Variants in PNLIPRP3 observed in about 807,000 individuals in gnomAD.
The protein encoded by PNLIPRP3 is pancreatic lipase related protein 3, also known as pancreatic lipase-related protein 3.
Under a neutral mutation model 52.8 loss-of-function variants are expected in PNLIPRP3, and 58 were observed. The observed-to-expected ratio is 1.10, with a 90% CI of 0.89 to 1.37. The LOEUF (loss-of-function observed/expected upper bound fraction) is 1.37. PNLIPRP3 is among the 40% of genes most tolerant of loss of function. The probability of loss-of-function intolerance (pLI) is 0.00; values close to 1 mark genes in which losing one functional copy is unlikely to be tolerated. For synonymous variants in PNLIPRP3, 192 were observed against 185.0 expected (o/e 1.04, Z -0.31); for missense variants, 593 against 561.6 (o/e 1.06, Z -0.57).
At chr10:116,457,385 CAT>C (rs1302472388) in intron 5 of PNLIPRP3, among the ~76,000 whole-genome samples, 1 of 152,124 alleles carries the variant, frequency 6.6e-6, no homozygotes, top group African/African-American at 2.4e-5. Flanking sequence ...CACACACACA[CAT>C]ACATGCACAC....
chr10:116,443,735 C>T (rs1476918821), intron 3 of PNLIPRP3, among the ~76,000 whole-genome samples: 2 of 135,060 alleles, frequency 1.5e-5, no homozygotes, highest in African/African-American at 5.6e-5. Flanking sequence ...TGCATAGGTG[C>T]TAATTACTAA....
chr10:116,454,180 C>G (rs10885938), intron 4 of PNLIPRP3, among the ~76,000 whole-genome samples: 134,725 of 152,100 alleles, frequency 0.89, 60,651 homozygotes, highest in Non-Finnish European at 0.97. Flanking sequence ...GTGCAGTGGC[C>G]TGATCTCAGC....
intron 3 of PNLIPRP3, 84 bp downstream of exon 3, chr10:116,443,258 A>G: frequency 7.5e-7 from 1 of 1,331,176 alleles, no homozygotes; most frequent in South Asian, 1.9e-5. Flanking sequence ...ATTGATGTAT[A>G]TTCATGGAAA....
chr10:116,469,896 T>C (rs1024123273), intron 9 of PNLIPRP3, among the ~76,000 whole-genome samples: 9 of 151,890 alleles, frequency 5.9e-5, no homozygotes, highest in African/African-American at 2.2e-4. Context: ...AAAATCACTT[T>C]AGTTTCTGCA....
chr10:116,428,080 A>G lies in PNLIPRP3; in HGVS notation c.49+19A>G, dbSNP rs1845662534. 2 of 1,561,744 alleles carry G rather than the reference A, an allele frequency of 1.3e-6. No individual in the cohort carries two copies. The highest frequency in any genetic ancestry group is 1.7e-5 in the Admixed American group (1 of 58,782). ...TCAAGAGGTAAGATTCATAATTTAT[A>G]ATAAGTTCTTTAAAAATAATGAGTA... On this transcript the variant is annotated intron_variant, in intron 1 of 11. Transcript: ENST00000369230.
Position 116,436,875 on chromosome 10 carries a change from C to A in PNLIPRP3, c.204+10C>A. On this transcript the variant is annotated intron_variant, in intron 2 of 11. Coordinates refer to ENST00000369230, the MANE Select transcript of PNLIPRP3 (RefSeq NM_001011709.3). ...TCCCAATGCCTATCAGGTAAGCTAA[C>A]TTGCAGCCTTCACACATGGATTATT... is the stretch of plus-strand genomic sequence containing the variant. 6.4e-7 allele frequency: 1 copy of A among 1,569,556 alleles called. No individual in the cohort carries two copies. The highest frequency in any genetic ancestry group is 8.7e-7 in the Non-Finnish European group (1 of 1,153,444).
chr10:116,464,388 G>T (rs905079816), intron 7 of PNLIPRP3, among the ~76,000 whole-genome samples: 2 of 152,200 alleles, frequency 1.3e-5, no homozygotes, highest in Admixed American at 6.5e-5. Context: ...TCCACAGCCT[G>T]CAGTGCCTCT....
At chr10:116,431,580 C>T (rs1017439548) in intron 1 of PNLIPRP3, among the ~76,000 whole-genome samples, 9 of 152,200 alleles carry the variant, frequency 5.9e-5, no homozygotes, top group South Asian at 4.1e-4. Flanking sequence ...TACATGACTA[C>T]GATCCCACAT....
chr10:116,455,638 C>CTTTT (rs34077637), intron 4 of PNLIPRP3, 84 bp from the exon 5 acceptor site: 5 of 687,472 alleles, frequency 7.3e-6, no homozygotes, highest in Non-Finnish European at 1.1e-5. Flanking sequence ...CATGTTGATC[C>CTTTT]TTTTTTTTTT....
chr10:116,445,853 C>T (rs1009317040), intron 4 of PNLIPRP3, among the ~76,000 whole-genome samples: 2 of 152,086 alleles, frequency 1.3e-5, no homozygotes, highest in East Asian at 3.9e-4. Context: ...GTCTCTTCTC[C>T]ACCTCTCTTT....
rs116302267 is a variant in PNLIPRP3 at position 116,475,430 on chromosome 10, T to A, written c.1173-1222T>A. Among the ~76,000 whole-genome samples, 589 of 152,266 alleles carry A rather than the reference T, an allele frequency of 3.9e-3. 4 individuals carry two copies. Among genetic ancestry groups the A allele is most frequent in the African/African-American group, 0.013 (555 of 41,564 alleles). ...TACCCCTGACCTTGTTTAAAAAAAA[T>A]GTCCAGCTTCACCATAGGTTATATC... On this transcript the variant is annotated intron_variant, in intron 10 of 11. Transcript: ENST00000369230.
chr10:116,436,687 T>C, intron 1 of PNLIPRP3, 24 bp from the exon 2 acceptor site: 11 of 1,584,058 alleles, frequency 6.9e-6, no homozygotes, highest in Non-Finnish European at 9.5e-6. Flanking sequence ...TCCTCTATAC[T>C]GACACTCCAC....
chr10:116,438,835 A>T (rs1845816375), intron 2 of PNLIPRP3, among the ~76,000 whole-genome samples: 1 of 152,220 alleles, frequency 6.6e-6, no homozygotes, highest in African/African-American at 2.4e-5. Flanking sequence ...AGAGACACTT[A>T]TAAAGAAACA....
chr10:116,471,800 G>A lies in PNLIPRP3; in HGVS notation c.1093G>A (p.Gly365Arg). ...WRHKLSVKLS[G>R]SEVTQGTVFL... ...GCACAAATTGTCTGTTAAACTCAGT[G>A]GAAGCGAAGTCACTCAAGGAACTGT... is the stretch of plus-strand genomic sequence containing the variant. The change falls in exon 10 of 12, where the codon GGA becomes AGA. Residue 365 changes from glycine to arginine, a missense_variant. Transcript: ENST00000369230. 1.2e-6 allele frequency: 2 copies of A among 1,611,626 alleles called. No homozygotes were observed. The highest frequency in any genetic ancestry group is 1.7e-6 in the Non-Finnish European group (2 of 1,178,372).
chr10:116,459,387 G>A (rs1846159115), intron 5 of PNLIPRP3, among the ~76,000 whole-genome samples: 1 of 151,890 alleles, frequency 6.6e-6, no homozygotes, highest in Non-Finnish European at 1.5e-5. Context: ...TCCCAGAGGT[G>A]TCAACGGCAA....
chr10:116,448,393 G>A (rs1845987180), intron 4 of PNLIPRP3, among the ~76,000 whole-genome samples: 1 of 152,024 alleles, frequency 6.6e-6, no homozygotes, highest in South Asian at 2.1e-4. Flanking sequence ...AAACCCTATG[G>A]TAGTCACAAA....
rs865838592 is a variant in PNLIPRP3 at position 116,443,819 on chromosome 10, A to G, written c.325-563A>G. Among the ~76,000 whole-genome samples, 9 of 116,910 alleles carry G rather than the reference A, an allele frequency of 7.7e-5. 1 individual carries two copies. The highest frequency in any genetic ancestry group is 5.3e-4 in the Admixed American group (6 of 11,254). The allele number at this position is 116,910 out of a possible 152,430, so 76.7% of individuals were successfully genotyped here. ...TGTGTGTGCATATATATATATATAT[A>G]TATATATATATATATATATATATAT... On this transcript the variant is annotated intron_variant, in intron 3 of 11. Transcript: ENST00000369230.
Position 116,471,813 on chromosome 10 carries a change from C to A in PNLIPRP3, c.1106C>A (p.Thr369Asn), listed in dbSNP as rs866988178. 3 of 1,611,828 alleles carry A rather than the reference C, an allele frequency of 1.9e-6. No individual in the cohort carries two copies. In the South Asian group the frequency reaches 3.3e-5, roughly 18 times the overall value. The change falls in exon 10 of 12, where the codon ACT becomes AAT. Residue 369 changes from threonine (T) to asparagine (N), a missense_variant. By Grantham distance (65) the Thr-to-Asn change is moderately conservative. Coordinates refer to ENST00000369230, the MANE Select transcript of PNLIPRP3 (RefSeq NM_001011709.3). ...LSVKLSGSEV[T>N]QGTVFLRVGG... ...GTTAAACTCAGTGGAAGCGAAGTCA[C>A]TCAAGGAACTGTCTTTCTTCGTGTA...
chr10:116,461,309 A>G lies in PNLIPRP3; in HGVS notation c.808+19A>G, dbSNP rs1747363624. ...AAAAAAGGTAAATACTTTCTAAACT[A>G]TGAATGCTACTGATGCATATTCACT... On this transcript the variant is annotated intron_variant, in intron 7 of 11. Coordinates refer to ENST00000369230, the MANE Select transcript of PNLIPRP3 (RefSeq NM_001011709.3). The G allele has an allele frequency of 2.5e-6, 4 of 1,607,398 alleles. No homozygotes were observed. Among genetic ancestry groups the G allele is most frequent in the South Asian group, 1.1e-5 (1 of 90,914 alleles).
Sources: allele counts gnomAD v4.1 joint callset (sites outside exome capture counted in the v4.1 genomes callset), GRCh38; gene constraint gnomAD v4.1.1; transcripts MANE v1.5; gene names NCBI Gene and HGNC (gene_info 2026-07-23, HGNC 2026-07-21).